The following DUSP5 variants were observed in gnomAD, a reference collection of about 807,000 sequenced individuals.
DUSP5 encodes dual specificity phosphatase 5.
In DUSP5, 22 loss-of-function variants were observed where a neutral mutation model predicts 33.6. The observed-to-expected ratio is 0.66, with a 90% CI of 0.47 to 0.94. DUSP5 has a LOEUF of 0.94. DUSP5 is among the 40% of genes least tolerant of loss of function. The pLI, the probability that DUSP5 is intolerant of heterozygous loss-of-function variation, is 0.00. For synonymous variants in DUSP5, 270 were observed against 231.1 expected (o/e 1.17, Z -1.53); for missense variants, 551 against 522.1 (o/e 1.06, Z -0.54).
chr10:110,510,038 G>A lies in DUSP5; in HGVS notation c.767G>A (p.Gly256Glu), dbSNP rs1860167011. The A allele has an allele frequency of 1.9e-6, 3 of 1,600,172 alleles. No individual in the cohort carries two copies. The highest frequency in any genetic ancestry group is 1.7e-6 in the Non-Finnish European group (2 of 1,169,756). Residue 256 changes from glycine to glutamate, a missense_variant, in exon 4 of 4, where the codon GGA becomes GAA. This residue lies in a region of DUSP5 where 158 missense variants were observed against 181.8 expected (regional missense o/e 0.87). Coordinates refer to ENST00000369583, the MANE Select transcript of DUSP5 (RefSeq NM_004419.4). Reference protein sequence around the residue: ...IDFIDCVREKGGKVLVHCEAG... With the variant: ...IDFIDCVREKEGKVLVHCEAG... ...CTTCCAGACTGTGTCAGGGAAAAGG[G>A]AGGCAAGGTCCTGGTCCACTGTGAG...
At chr10:110,506,645 G>A (rs574721760) in intron 2 of DUSP5, among the ~76,000 whole-genome samples, 6 of 152,230 alleles carry the variant, frequency 3.9e-5, no homozygotes, top group South Asian at 4.2e-4. Context: ...CCTTGTCAGC[G>A]CAGGAAGGCT....
chr10:110,500,712 A>G (rs1051186016), intron 1 of DUSP5, among the ~76,000 whole-genome samples: 13 of 152,206 alleles, frequency 8.5e-5, no homozygotes, highest in Admixed American at 5.2e-4. Flanking sequence ...ACTCACTCCA[A>G]AAGAAGTAGC....
chr10:110,501,454 C>T (rs748601883), intron 1 of DUSP5, among the ~76,000 whole-genome samples: 12 of 152,126 alleles, frequency 7.9e-5, no homozygotes, highest in Non-Finnish European at 1.5e-4. Flanking sequence ...GGCAAGATGA[C>T]TCATTCTAGG....
chr10:110,509,810 C>G (rs919534123), intron 3 of DUSP5, among the ~76,000 whole-genome samples: 15 of 152,140 alleles, frequency 9.9e-5, no homozygotes, highest in Non-Finnish European at 1.5e-4. Flanking sequence ...CTGTAAAGGT[C>G]CTACTTGGGG....
intron 3 of DUSP5, among the ~76,000 whole-genome samples, chr10:110,507,441 T>C (rs1018771187): frequency 2.6e-5 from 4 of 152,138 alleles, no homozygotes; most frequent in African/African-American, 9.7e-5. Flanking sequence ...AGGAGCTGAG[T>C]GTATCCCTGC....
chr10:110,504,308 A>G (rs1032655082), intron 2 of DUSP5, among the ~76,000 whole-genome samples: 1 of 152,250 alleles, frequency 6.6e-6, no homozygotes, highest in African/African-American at 2.4e-5. Flanking sequence ...ATGCTTCTGC[A>G]TTTAGAGCAG....
chr10:110,509,348 C>T (rs897458533), intron 3 of DUSP5, among the ~76,000 whole-genome samples: 1 of 152,184 alleles, frequency 6.6e-6, no homozygotes, highest in Non-Finnish European at 1.5e-5. Context: ...TTATATCCTC[C>T]GTCTAGTAGG....
rs1564774978 is a variant in DUSP5, at chr10:110,510,475, GT to G, written c.*54del. 3.4e-6 allele frequency: 5 copies of G among 1,485,738 alleles called. No homozygotes were observed. The East Asian group carries it at 1.2e-4, about 37-fold the overall frequency. The allele number at this position is 1,485,738 out of a possible 1,614,324, so 92.0% of individuals were successfully genotyped here. A position where few individuals can be genotyped will look rare whatever the true frequency, so the allele number is the denominator to read the frequency against. ...AGCCCCAAGAGCAACTGTGATTTTT[GT>G]TTTTAAGACTCATGGACATTTCATA... On this transcript the variant is annotated 3_prime_UTR_variant, in exon 4 of 4. Coordinates refer to ENST00000369583, the MANE Select transcript of DUSP5 (RefSeq NM_004419.4).
intron 3 of DUSP5, 90 bp downstream of exon 3, chr10:110,507,244 A>C (rs1047239600): frequency 3.1e-5 from 41 of 1,342,564 alleles, no homozygotes; most frequent in Non-Finnish European, 4.0e-5. Flanking sequence ...AGCTACCTTC[A>C]CTGAAAGAAA....
chr10:110,497,955 G>A lies in DUSP5; in HGVS notation c.-167G>A, dbSNP rs1437100145. On this transcript the variant is annotated 5_prime_UTR_variant, in exon 1 of 4. Transcript: ENST00000369583. ...GGGCTGGCTATCGAGCGAGCGGGGC[G>A]GGAACGCGGAGTTGCGCCGCCGCTC... is the stretch of plus-strand genomic sequence containing the variant. 1 of 402,570 alleles carries A rather than the reference G, an allele frequency of 2.5e-6. No homozygotes were observed. Among genetic ancestry groups the A allele is most frequent in the Non-Finnish European group, 3.4e-6 (1 of 297,452 alleles). 24.9% of individuals were successfully genotyped at this position (402,570 alleles called of 1,614,324 possible).
rs753536658 is a variant in DUSP5, at chr10:110,507,107, A to G, written c.701A>G (p.His234Arg). The change falls in exon 3 of 4, where the codon CAC becomes CGC. Residue 234 changes from histidine to arginine, a missense_variant. By Grantham distance (29) the His-to-Arg change is conservative. This residue lies in a region of DUSP5 where 12 missense variants were observed against 29.9 expected (regional missense o/e 0.40). Transcript: ENST00000369583. Reference sequence around the variant, plus strand: ...AAATGGATCCCTGTGGAAGACAGCCACACGGCTGACATTAGCTCCCACTTT... The same window carrying G: ...AAATGGATCCCTGTGGAAGACAGCCGCACGGCTGACATTAGCTCCCACTTT... Reference protein sequence around the residue: ...HYKWIPVEDSHTADISSHFQE... With the variant: ...HYKWIPVEDSRTADISSHFQE... The G allele has an allele frequency of 1.2e-6, 2 of 1,614,172 alleles. No individual in the cohort carries two copies. The highest frequency in any genetic ancestry group is 1.7e-5 in the Admixed American group (1 of 60,034).
intron 2 of DUSP5, among the ~76,000 whole-genome samples, chr10:110,505,452 G>A (rs963752727): frequency 1.3e-5 from 2 of 152,226 alleles, no homozygotes; most frequent in African/African-American, 4.8e-5. Flanking sequence ...GTAAAATCTT[G>A]TGTAATTTTC....
At chr10:110,506,783 C>T (rs1292129845) in intron 2 of DUSP5, 152 bp from the exon 3 acceptor site, 1 of 785,014 alleles carries the variant, frequency 1.3e-6, no homozygotes, top group Non-Finnish European at 2.1e-6. Flanking sequence ...TACAACCACA[C>T]TTGGTTGAAC....
chr10:110,506,937 T>A lies in DUSP5; in HGVS notation c.531T>A (p.Gly177=). The A allele has an allele frequency of 1.2e-6, 2 of 1,614,202 alleles. No individual in the cohort carries two copies. Among genetic ancestry groups the A allele is most frequent in the Non-Finnish European group, 8.5e-7 (1 of 1,180,002 alleles). ...NVSYRPAYDQ[G]GPVEILPFLY... ...TTGTCCTTTGTCCCTGCATCCAGGG[T>A]GGCCCAGTTGAAATCCTTCCCTTCC... The change falls in exon 3 of 4, where the codon GGT becomes GGA. Residue 177 remains glycine, a splice_region_variant and synonymous_variant. Coordinates refer to ENST00000369583, the MANE Select transcript of DUSP5 (RefSeq NM_004419.4).
At chr10:110,507,732 A>G (rs934995618) in intron 3 of DUSP5, among the ~76,000 whole-genome samples, 2 of 152,224 alleles carry the variant, frequency 1.3e-5, no homozygotes, top group African/African-American at 4.8e-5. Flanking sequence ...CATTCTTGTT[A>G]CGCAGTTATT....
Position 110,498,411 on chromosome 10 carries a change from A to T in DUSP5, c.290A>T (p.Gln97Leu). 1 of 1,523,322 alleles carries T rather than the reference A, an allele frequency of 6.6e-7. No homozygotes were observed. The highest frequency in any genetic ancestry group is 8.7e-7 in the Non-Finnish European group (1 of 1,143,732). The allele number at this position is 1,523,322 out of a possible 1,614,324, so 94.4% of individuals were successfully genotyped here. ...CTGGACCAGGGCAGCCGCCACTGGC[A>T]GAAGCTGCGAGAGGAGAGCGCCGCG... is the stretch of plus-strand genomic sequence containing the variant. Reference protein sequence around the residue: ...VVLDQGSRHWQKLREESAARV... With the variant: ...VVLDQGSRHWLKLREESAARV... Residue 97 changes from glutamine (Q) to leucine (L), a missense_variant, in exon 1 of 4, where the codon CAG (glutamine) becomes CTG (leucine). Transcript: ENST00000369583.
At chr10:110,504,162 T>G (rs572242444) in intron 2 of DUSP5, among the ~76,000 whole-genome samples, 1 of 152,344 alleles carries the variant, frequency 6.6e-6, no homozygotes, top group African/African-American at 2.4e-5. Flanking sequence ...CCCCCATTTC[T>G]CAGAAAGTGA....
rs748686961 is a variant in DUSP5 at position 110,507,021 on chromosome 10, C to T, written c.615C>T (p.Ile205=). The part of the protein sequence containing the change: ...SKCEFLANLH[I]TALLNVSRRT... ...GCGAGTTCCTCGCCAACCTGCACAT[C>T]ACAGCCCTGCTGAATGTCTCCCGAC... Residue 205 remains isoleucine (I), a synonymous_variant, in exon 3 of 4, where the codon ATC becomes ATT. Coordinates refer to ENST00000369583, the MANE Select transcript of DUSP5 (RefSeq NM_004419.4). 9.9e-6 allele frequency: 16 copies of T among 1,614,284 alleles called. No homozygotes were observed. The African/African-American group carries it at 1.7e-4, about 17-fold the overall frequency.
At chr10:110,498,650 C>T in intron 1 of DUSP5, 150 bp downstream of exon 1, 1 of 1,238,314 alleles carries the variant, frequency 8.1e-7, no homozygotes, top group Non-Finnish European at 1.0e-6. Flanking sequence ...TGGGAGGGCA[C>T]TGCAAATGTC....
Sources: allele counts gnomAD v4.1 joint callset (sites outside exome capture counted in the v4.1 genomes callset), GRCh38; gene constraint gnomAD v4.1.1; regional missense constraint gnomAD v4.1.1; transcripts MANE v1.5; gene names NCBI Gene and HGNC (gene_info 2026-07-23, HGNC 2026-07-21).